The following PCDHA13 variants were observed in gnomAD, a reference collection of about 807,000 sequenced individuals.
PCDHA13 encodes protocadherin alpha-13.
In PCDHA13, 54 loss-of-function variants were observed where a neutral mutation model predicts 64.8. That is an observed-to-expected ratio of 0.83 (90% CI 0.67 to 1.04). The LOEUF is 1.04. Among genes scored for constraint, PCDHA13 ranks in the 50% least tolerant of loss-of-function variants. The pLI is 0.00. For synonymous variants in PCDHA13, 587 were observed against 564.4 expected, an observed-to-expected ratio of 1.04 and a Z score of -0.57; for missense variants, 1,248 against 1,254.3, an observed-to-expected ratio of 0.99 and a Z score of 0.08.
chr5:140,899,191 C>G (rs1583332627), intron 1 of PCDHA13, among the ~76,000 whole-genome samples: 2 of 151,090 alleles, frequency 1.3e-5, no homozygotes, highest in Non-Finnish European at 3.0e-5. Flanking sequence ...TTTCCTTCTC[C>G]TGCCTAATTG....
intron 1 of PCDHA13, among the ~76,000 whole-genome samples, chr5:140,949,264 G>A (rs139292588): frequency 4.5e-4 from 69 of 151,784 alleles, no homozygotes; most frequent in Admixed American, 2.4e-3. Flanking sequence ...AACATATCAC[G>A]TGCACTTGAA....
chr5:140,916,492 C>T (rs1310558218), intron 1 of PCDHA13, among the ~76,000 whole-genome samples: 2 of 152,170 alleles, frequency 1.3e-5, no homozygotes, highest in Admixed American at 6.5e-5. Context: ...GCTCTTTAGT[C>T]AGCAGGTGAT....
In PCDHA13 at chr5:141,010,257, G is replaced by T; in HGVS notation, c.*320G>T. On this transcript the variant is annotated 3_prime_UTR_variant, in exon 4 of 4. Coordinates refer to ENST00000289272, the MANE Select transcript of PCDHA13 (RefSeq NM_018904.3). ...AGTGAGAGGTTGGACTCTCTGCCCT[G>T]TGCTCCGGGGATCCTGTCTTGATGA... 6.4e-7 allele frequency: 1 copy of T among 1,551,794 alleles called. No homozygotes were observed. The highest frequency in any genetic ancestry group is 8.7e-7 in the Non-Finnish European group (1 of 1,147,016).
chr5:140,998,433 C>CTA (rs2097813622), intron 3 of PCDHA13, among the ~76,000 whole-genome samples: 2 of 152,160 alleles, frequency 1.3e-5, no homozygotes, highest in Admixed American at 1.3e-4. Flanking sequence ...TCCTTTAACA[C>CTA]TATTATTGTA....
intron 3 of PCDHA13, among the ~76,000 whole-genome samples, chr5:140,995,181 T>G (rs1443897354): frequency 6.6e-6 from 1 of 152,186 alleles, no homozygotes; most frequent in Non-Finnish European, 1.5e-5. Context: ...GGTGCACCTA[T>G]GATAAAGTTT....
intron 1 of PCDHA13, among the ~76,000 whole-genome samples, chr5:140,890,243 A>G (rs782339518): frequency 6.6e-6 from 1 of 152,130 alleles, no homozygotes; most frequent in Non-Finnish European, 1.5e-5. Context: ...ATTTACCAGT[A>G]CACTACTGCA....
chr5:140,925,267 G>C (rs931372584), intron 1 of PCDHA13, among the ~76,000 whole-genome samples: 14 of 152,060 alleles, frequency 9.2e-5, no homozygotes, highest in Non-Finnish European at 1.9e-4. Flanking sequence ...CTTGATCTGT[G>C]TTCAGATTTT....
chr5:140,974,043 TATG>T (rs1554235772), intron 1 of PCDHA13, among the ~76,000 whole-genome samples: 1 of 152,238 alleles, frequency 6.6e-6, no homozygotes, highest in Non-Finnish European at 1.5e-5. Flanking sequence ...AGCTTATTAA[TATG>T]ATAATATTTG....
chr5:140,899,069 A>G (rs1554188379), intron 1 of PCDHA13, among the ~76,000 whole-genome samples: 1 of 152,164 alleles, frequency 6.6e-6, no homozygotes, highest in Non-Finnish European at 1.5e-5. Flanking sequence ...GAAGTTGCTT[A>G]TCAGCTTAAG....
intron 1 of PCDHA13, among the ~76,000 whole-genome samples, chr5:140,892,991 A>G (rs1477087965): frequency 1.3e-5 from 2 of 152,196 alleles, no homozygotes; most frequent in African/African-American, 2.4e-5. Context: ...TATAAGTGAG[A>G]ACATGTATTT....
intron 3 of PCDHA13, among the ~76,000 whole-genome samples, chr5:140,990,831 A>G (rs1004872074): frequency 6.6e-6 from 1 of 152,192 alleles, no homozygotes; most frequent in Non-Finnish European, 1.5e-5. Context: ...GCTAAAGCCT[A>G]TTAGCAAAAA....
intron 1 of PCDHA13, among the ~76,000 whole-genome samples, chr5:140,917,639 C>T (rs151007423): frequency 1.6e-4 from 25 of 152,268 alleles, no homozygotes; most frequent in African/African-American, 5.8e-4. Flanking sequence ...AGCTAGTTAT[C>T]CCAGCAATAT....
intron 1 of PCDHA13, among the ~76,000 whole-genome samples, chr5:140,978,620 G>A (rs2096812690): frequency 6.6e-6 from 1 of 152,220 alleles, no homozygotes; most frequent in South Asian, 2.1e-4. Context: ...AGCAGTGAAA[G>A]CTTTTCCTTT....
intron 3 of PCDHA13, among the ~76,000 whole-genome samples, chr5:141,008,708 T>G (rs1197464501): frequency 1.3e-5 from 2 of 152,210 alleles, no homozygotes; most frequent in African/African-American, 4.8e-5. Flanking sequence ...GGTTTCTAGT[T>G]GCTTGAGTGT....
At chr5:140,939,152 G>A (rs1486129737) in intron 1 of PCDHA13, among the ~76,000 whole-genome samples, 20 of 152,068 alleles carry the variant, frequency 1.3e-4, no homozygotes, top group Admixed American at 1.2e-3. Context: ...CAAGGTCCTG[G>A]CAGATTTGTG....
intron 3 of PCDHA13, among the ~76,000 whole-genome samples, chr5:140,999,230 G>A (rs2097851745): frequency 6.6e-6 from 1 of 152,194 alleles, no homozygotes; most frequent in Non-Finnish European, 1.5e-5. Flanking sequence ...TTTGAGAATA[G>A]GTGGTTAAAG....
Position 140,882,991 on chromosome 5 carries a change from AT to A in PCDHA13, c.727del (p.Tyr243ThrfsTer7), listed in dbSNP as rs1554176407. 2 of 1,614,112 alleles carry A rather than the reference AT, an allele frequency of 1.2e-6. No individual in the cohort carries two copies. Among genetic ancestry groups the A allele is most frequent in the Non-Finnish European group, 1.7e-6 (2 of 1,180,032 alleles). ...TGGACGTGAATGACAACGCCCCGGA[AT>A]TTTACCAATCCGTTTATAAAGTGAC... Reference protein sequence around the residue: ...ILDVNDNAPEFYQSVYKVTVL... With the variant: ...ILDVNDNAPEXYQSVYKVTVL... On this transcript the variant is annotated frameshift_variant, in exon 1 of 4. Coordinates refer to ENST00000289272, the MANE Select transcript of PCDHA13 (RefSeq NM_018904.3). LOFTEE classifies it high-confidence loss of function.
intron 1 of PCDHA13, among the ~76,000 whole-genome samples, chr5:140,961,780 C>T (rs1192795559): frequency 6.6e-6 from 1 of 152,052 alleles, no homozygotes; most frequent in African/African-American, 2.4e-5. Flanking sequence ...AGCTTAATGG[C>T]ACTTTTTAAA....
chr5:141,002,679 G>A (rs1554258764), intron 3 of PCDHA13, among the ~76,000 whole-genome samples: 1 of 152,134 alleles, frequency 6.6e-6, no homozygotes, highest in Non-Finnish European at 1.5e-5. Context: ...AAACCTATAC[G>A]ACGTGCAGAT....
Sources: gnomAD v4.1 joint callset for allele counts (sites outside exome capture counted in the v4.1 genomes callset) on GRCh38, gnomAD v4.1.1 for gene constraint, MANE v1.5 for transcripts, NCBI Gene and HGNC (gene_info 2026-07-23, HGNC 2026-07-21) for gene names.